The following MED13L variants were observed in gnomAD, a reference collection of about 807,000 sequenced individuals.
MED13L encodes mediator complex subunit 13L.
A neutral mutation model predicts 220.9 loss-of-function variants in MED13L; 7 were observed. That is an observed-to-expected ratio of 0.03 (90% CI 0.02 to 0.06). The LOEUF (loss-of-function observed/expected upper bound fraction) is 0.06. Ranked by LOEUF, MED13L falls within the 10% of genes least tolerant of loss-of-function variation. MED13L has a pLI of 1.00. For synonymous variants in MED13L, 1,011 were observed against 1,015.2 expected, an observed-to-expected ratio of 1.00 and a Z score of 0.08; for missense variants, 1,965 against 2,760.5, an observed-to-expected ratio of 0.71 and a Z score of 6.46.
chr12:116,018,254 A>T (rs1592952235), intron 7 of MED13L, among the ~76,000 whole-genome samples: 1 of 152,230 alleles, frequency 6.6e-6, no homozygotes, highest in African/African-American at 2.4e-5. Flanking sequence ...AGGTTTTACA[A>T]CGAGGTGCGC....
At chr12:116,226,833 T>C (rs2138415944) in intron 2 of MED13L, among the ~76,000 whole-genome samples, 1 of 141,000 alleles carries the variant, frequency 7.1e-6, no homozygotes, top group Admixed American at 7.5e-5. Flanking sequence ...TGCACCACCA[T>C]ACTCCAGCCT....
intron 2 of MED13L, among the ~76,000 whole-genome samples, 173 bp downstream of exon 2, chr12:116,237,295 G>GA (rs1163244331): frequency 1.0e-4 from 15 of 149,988 alleles, no homozygotes; most frequent in Non-Finnish European, 1.2e-4. Context: ...CAAGAGTTAG[G>GA]AAAAAAAAAC....
intron 2 of MED13L, among the ~76,000 whole-genome samples, chr12:116,171,736 G>A (rs1197640031): frequency 2.6e-5 from 4 of 152,140 alleles, no homozygotes; most frequent in Non-Finnish European, 5.9e-5. Context: ...TCGATACCAT[G>A]TTAGCTTTAT....
chr12:116,102,867 G>A (rs1330348033), intron 3 of MED13L, among the ~76,000 whole-genome samples: 2 of 151,166 alleles, frequency 1.3e-5, no homozygotes, highest in Admixed American at 1.3e-4. Flanking sequence ...GATTACAGAC[G>A]CGCCCCACCA....
intron 2 of MED13L, among the ~76,000 whole-genome samples, chr12:116,172,690 A>C (rs1879766837): frequency 6.6e-6 from 1 of 152,172 alleles, no homozygotes; most frequent in African/African-American, 2.4e-5. Context: ...TTCACTTTGC[A>C]TCTGCATGAC....
chr12:115,964,438 C>T (rs1565981798), intron 29 of MED13L, among the ~76,000 whole-genome samples: 1 of 152,210 alleles, frequency 6.6e-6, no homozygotes. Context: ...CAGGACACTA[C>T]ATCCATCATA....
chr12:116,096,151 C>T (rs1593038597), intron 4 of MED13L, among the ~76,000 whole-genome samples: 1 of 151,518 alleles, frequency 6.6e-6, no homozygotes, highest in African/African-American at 2.4e-5. Flanking sequence ...TTCAGGAGTT[C>T]GAGACCAGCC....
chr12:116,195,537 G>A (rs964021096), intron 2 of MED13L, among the ~76,000 whole-genome samples: 3 of 151,894 alleles, frequency 2.0e-5, no homozygotes, highest in Non-Finnish European at 4.4e-5. Flanking sequence ...TGCAACCTCC[G>A]CCTCCCAGGT....
chr12:116,057,672 G>A (rs927028092), intron 4 of MED13L, among the ~76,000 whole-genome samples: 1 of 151,262 alleles, frequency 6.6e-6, no homozygotes, highest in Non-Finnish European at 1.5e-5. Flanking sequence ...TTTAGACATG[G>A]AGATAGACAG....
intron 2 of MED13L, among the ~76,000 whole-genome samples, chr12:116,183,699 T>C (rs1328599086): frequency 2.0e-5 from 3 of 152,054 alleles, no homozygotes; most frequent in African/African-American, 4.8e-5. Flanking sequence ...TAAAATTTCA[T>C]AGAATTCAAT....
chr12:116,120,463 T>C (rs34630032), intron 2 of MED13L, among the ~76,000 whole-genome samples: 1 of 138,926 alleles, frequency 7.2e-6, no homozygotes, highest in Non-Finnish European at 1.6e-5. Context: ...TCTCTCTCTC[T>C]CTCTCTCTCT....
chr12:116,066,977 AAAGT>A (rs1362037461), intron 4 of MED13L, among the ~76,000 whole-genome samples: 4 of 152,164 alleles, frequency 2.6e-5, no homozygotes, highest in African/African-American at 7.2e-5. Context: ...CAACCACAAC[AAAGT>A]AAGAGATTTT....
At chr12:115,994,505 A>G (rs1490669011) in intron 16 of MED13L, among the ~76,000 whole-genome samples, 2 of 152,276 alleles carry the variant, frequency 1.3e-5, no homozygotes, top group East Asian at 1.9e-4. Flanking sequence ...TTCATCACAT[A>G]AAGTTGTATA....
At chr12:116,161,226 G>T (rs1028952364) in intron 2 of MED13L, among the ~76,000 whole-genome samples, 111 of 152,288 alleles carry the variant, frequency 7.3e-4, no homozygotes, top group African/African-American at 2.7e-3. Flanking sequence ...CAGGGATTAA[G>T]TTTCTAACAC....
chr12:115,981,705 T>C (rs764966805), intron 22 of MED13L, among the ~76,000 whole-genome samples: 4 of 152,184 alleles, frequency 2.6e-5, no homozygotes, highest in Non-Finnish European at 4.4e-5. Context: ...AGTGGAGATA[T>C]AGGAATGACT....
At chr12:116,152,420 T>C (rs1054221311) in intron 2 of MED13L, among the ~76,000 whole-genome samples, 8 of 152,180 alleles carry the variant, frequency 5.3e-5, no homozygotes, top group Non-Finnish European at 8.8e-5. Context: ...GCGTCAAGTT[T>C]TGTCTGCAGC....
At position 116,085,750 on chromosome 12, in the gene MED13L, T is replaced by TCACACA. The variant is rs201331780; in HGVS notation, c.479+10918_479+10919insTGTGTG. 9.8e-3 allele frequency among the ~76,000 whole-genome samples: 978 copies of TCACACA among 100,068 alleles called. 5 individuals carry two copies. Among genetic ancestry groups the TCACACA allele is most frequent in the South Asian group, 0.015 (45 of 3,054 alleles). 65.6% of individuals were successfully genotyped at this position (100,068 alleles called of 152,430 possible). ...TTCTAAATTCAAGAGAAGATTAAAA[T>TCACACA]CACTCACACACACACACACACACAC... On this transcript the variant is annotated intron_variant, in intron 4 of 30. Coordinates refer to ENST00000281928, the MANE Select transcript of MED13L (RefSeq NM_015335.5).
chr12:115,972,371 T>C (rs1876646801), intron 25 of MED13L, 135 bp from the exon 26 acceptor site: 1 of 959,274 alleles, frequency 1.0e-6, no homozygotes, highest in Non-Finnish European at 1.6e-6. Flanking sequence ...TTTACATATG[T>C]TCCCCTCCTT....
At chr12:116,036,902 CATA>C (rs955296583) in intron 4 of MED13L, among the ~76,000 whole-genome samples, 6 of 152,118 alleles carry the variant, frequency 3.9e-5, no homozygotes, top group African/African-American at 1.4e-4. Flanking sequence ...ATAGTATCCA[CATA>C]ATGAGACTTG....
Sources: gnomAD v4.1 joint callset for allele counts (sites outside exome capture counted in the v4.1 genomes callset) on GRCh38, gnomAD v4.1.1 for gene constraint, MANE v1.5 for transcripts, NCBI Gene and HGNC (gene_info 2026-07-23, HGNC 2026-07-21) for gene names.